The following GFM2 variants were observed in gnomAD, a reference collection of about 807,000 sequenced individuals.
GFM2 encodes ribosome-releasing factor 2, mitochondrial.
Under a neutral mutation model 95.4 loss-of-function variants are expected in GFM2, and 72 were observed. That is an observed-to-expected ratio of 0.76 (90% confidence interval 0.62 to 0.92). The LOEUF (loss-of-function observed/expected upper bound fraction) is 0.92, where lower values mean the gene tolerates loss of function less well. GFM2 is among the 40% of genes least tolerant of loss of function. GFM2 has a pLI of 0.00. For missense variants in GFM2, 825 were observed against 924.1 expected, an observed-to-expected ratio of 0.89 and a Z score of 1.39; for synonymous variants, 276 against 317.5, an observed-to-expected ratio of 0.87 and a Z score of 1.39.
At chr5:74,763,816 G>T in intron 1 of GFM2, 50 bp from the exon 2 acceptor site, 2 of 1,052,930 alleles carry the variant, frequency 1.9e-6, no homozygotes, top group Non-Finnish European at 3.0e-6. Flanking sequence ...TGTATTACAT[G>T]TCAGCAAGGC....
rs1458303067 is a variant in GFM2, at chr5:74,759,097, C to T, written c.207-151G>A. The T allele has an allele frequency of 2.8e-5, 17 of 616,800 alleles. No homozygotes were observed. The Admixed American group carries it at 3.2e-4, about 12-fold the overall frequency. 38.2% of individuals were successfully genotyped at this position (616,800 alleles called of 1,614,324 possible). On this transcript the variant is annotated intron_variant, in intron 4 of 20. Transcript: ENST00000296805. ...AAACATTTAGAGTATATCCACATTA[C>T]TCTGATAAGATAGCTAAGTAACAAA...
intron 19 of GFM2, among the ~76,000 whole-genome samples, chr5:74,724,340 A>G (rs1750051251): frequency 6.6e-6 from 1 of 152,030 alleles, no homozygotes; most frequent in African/African-American, 2.4e-5. Context: ...AAACTTTAAA[A>G]ATTACTTGGG....
At chr5:74,722,609 AAAAT>A in intron 19 of GFM2, 48 bp from the exon 20 acceptor site, 3 of 1,477,506 alleles carry the variant, frequency 2.0e-6, no homozygotes, top group Non-Finnish European at 2.8e-6. Context: ...ATAAAAACTT[AAAAT>A]AAATACAGCC....
chr5:74,762,571 A>G (rs560266215), intron 2 of GFM2, among the ~76,000 whole-genome samples: 1 of 152,272 alleles, frequency 6.6e-6, no homozygotes, highest in Non-Finnish European at 1.5e-5. Flanking sequence ...TAAGCCAAGA[A>G]TGTTCACCTT....
At chr5:74,731,119 C>T (rs1427256829) in intron 16 of GFM2, among the ~76,000 whole-genome samples, 1 of 152,114 alleles carries the variant, frequency 6.6e-6, no homozygotes, top group East Asian at 1.9e-4. Context: ...GGCCAAAGCC[C>T]CTTTCTTAAC....
At chr5:74,721,864 T>C (rs1749904164) in intron 20 of GFM2, 81 bp from the exon 21 acceptor site, 11 of 1,368,482 alleles carry the variant, frequency 8.0e-6, no homozygotes, top group Non-Finnish European at 1.1e-5. Flanking sequence ...TTTTGACTAT[T>C]AGGGAAAAGT....
At chr5:74,748,899 T>TAAAAA (rs1743534361) in intron 7 of GFM2, among the ~76,000 whole-genome samples, 1 of 97,626 alleles carries the variant, frequency 1.0e-5, no homozygotes, top group African/African-American at 4.0e-5. Context: ...ATAAATAAAA[T>TAAAAA]AAAATAAAAT....
chr5:74,764,493 T>G (rs144523549), intron 1 of GFM2, among the ~76,000 whole-genome samples: 4 of 151,830 alleles, frequency 2.6e-5, no homozygotes, highest in Admixed American at 1.3e-4. Flanking sequence ...TATTATGAGG[T>G]TTTTTTTATT....
At chr5:74,726,741 C>A (rs1750166054) in intron 17 of GFM2, among the ~76,000 whole-genome samples, 1 of 152,150 alleles carries the variant, frequency 6.6e-6, no homozygotes. Context: ...CAAAACTATG[C>A]CATATTTATG....
intron 19 of GFM2, among the ~76,000 whole-genome samples, chr5:74,723,765 T>TC (rs1337322296): frequency 6.6e-6 from 1 of 152,102 alleles, no homozygotes; most frequent in Non-Finnish European, 1.5e-5. Context: ...GTCTGGAATG[T>TC]CCCCCACCAT....
intron 14 of GFM2, among the ~76,000 whole-genome samples, chr5:74,737,892 G>T (rs934462146): frequency 2.0e-5 from 3 of 151,968 alleles, no homozygotes; most frequent in Non-Finnish European, 4.4e-5. Flanking sequence ...GAACAAAAAA[G>T]ACAAAAATCC....
intron 7 of GFM2, among the ~76,000 whole-genome samples, chr5:74,748,541 C>T (rs922351479): frequency 2.0e-5 from 3 of 152,088 alleles, no homozygotes; most frequent in Non-Finnish European, 4.4e-5. Context: ...TAGGTATTTC[C>T]GTTCTTTTTA....
intron 14 of GFM2, among the ~76,000 whole-genome samples, chr5:74,737,412 C>T (rs1027576310): frequency 1.3e-5 from 2 of 152,200 alleles, no homozygotes; most frequent in African/African-American, 4.8e-5. Flanking sequence ...GTGCAGATTG[C>T]TGGCTTCCAT....
chr5:74,759,357 G>A lies in GFM2; in HGVS notation c.206+12C>T, dbSNP rs772951064. On this transcript the variant is annotated intron_variant, in intron 4 of 20. Coordinates refer to ENST00000296805, the MANE Select transcript of GFM2 (RefSeq NM_032380.5). ...AGTCTATGGAAAAGCATGATATAAT[G>A]ATAGTACTTACTTAGCTATGGGAGG... 1.5e-5 allele frequency: 21 copies of A among 1,439,480 alleles called. 1 individual carries two copies. In the South Asian group the frequency reaches 2.4e-4, roughly 16 times the overall value. The allele number at this position is 1,439,480 out of a possible 1,614,324, so 89.2% of individuals were successfully genotyped here.
At chr5:74,758,423 T>A (rs1744107267) in intron 5 of GFM2, among the ~76,000 whole-genome samples, 1 of 152,220 alleles carries the variant, frequency 6.6e-6, no homozygotes, top group Non-Finnish European at 1.5e-5. Context: ...GAGACATTCA[T>A]TCCTATGGGG....
At chr5:74,737,058 T>A (rs899429584) in intron 14 of GFM2, 73 bp from the exon 15 acceptor site, 7 of 1,461,790 alleles carry the variant, frequency 4.8e-6, no homozygotes, top group Non-Finnish European at 6.5e-6. Flanking sequence ...AGAACCACAA[T>A]ATAAGAAAAC....
chr5:74,764,672 T>C (rs963709568), intron 1 of GFM2, among the ~76,000 whole-genome samples: 4 of 152,148 alleles, frequency 2.6e-5, no homozygotes, highest in Non-Finnish European at 5.9e-5. Context: ...CTCCTAAGTC[T>C]GTTCTTTCTG....
At chr5:74,756,921 A>G (rs1744015698) in intron 5 of GFM2, among the ~76,000 whole-genome samples, 1 of 152,154 alleles carries the variant, frequency 6.6e-6, no homozygotes, top group Non-Finnish European at 1.5e-5. Flanking sequence ...ACTCAGGAGA[A>G]AGGGCAGGAG....
chr5:74,757,750 AAAAAAAATT>A (rs1461700515), intron 5 of GFM2, among the ~76,000 whole-genome samples: 2 of 151,006 alleles, frequency 1.3e-5, no homozygotes, highest in Admixed American at 1.3e-4. Flanking sequence ...AAAAAAAAAA[AAAAAAAATT>A]AAAAAATTAA....
Sources: gnomAD v4.1 joint callset for allele counts (sites outside exome capture counted in the v4.1 genomes callset) on GRCh38, gnomAD v4.1.1 for gene constraint, MANE v1.5 for transcripts, NCBI Gene and HGNC (gene_info 2026-07-23, HGNC 2026-07-21) for gene names.